Variants in DYM observed in about 807,000 individuals in gnomAD.
The protein encoded by DYM is dyggve-Melchior-Clausen syndrome protein.
DYM carries 78 observed loss-of-function variants against 93.1 expected under a neutral mutation model. The observed-to-expected ratio is 0.84, with a 90% CI of 0.70 to 1.01. The LOEUF is 1.01. DYM is among the 50% of genes least tolerant of loss of function. DYM has a pLI of 0.00. For synonymous variants in DYM, 321 were observed against 319.7 expected (o/e 1.00, Z -0.04); for missense variants, 789 against 845.0 (o/e 0.93, Z 0.82).
chr18:49,046,284 C>T (rs1163731520), intron 17 of DYM, among the ~76,000 whole-genome samples: 2 of 141,304 alleles, frequency 1.4e-5, no homozygotes, highest in African/African-American at 5.4e-5. Context: ...ACACAGACAA[C>T]ACACCCAGAC....
At chr18:49,460,240 C>A (rs1160130712) in intron 1 of DYM, among the ~76,000 whole-genome samples, 158 bp downstream of exon 1, 6 of 152,098 alleles carry the variant, frequency 3.9e-5, no homozygotes, top group Non-Finnish European at 8.8e-5. Flanking sequence ...TCCGGGTGGC[C>A]CAGGCGCCCG....
intron 17 of DYM, among the ~76,000 whole-genome samples, chr18:49,063,619 C>CTTTTTT (rs67482709): frequency 4.2e-5 from 3 of 71,966 alleles, no homozygotes; most frequent in Non-Finnish European, 8.3e-5. Flanking sequence ...CTTTCTCTCT[C>CTTTTTT]TTTTTTTTTT....
intron 17 of DYM, among the ~76,000 whole-genome samples, chr18:49,074,273 A>T (rs2077124874): frequency 1.3e-5 from 2 of 152,220 alleles, no homozygotes; most frequent in South Asian, 4.1e-4. Context: ...TCCCTAAATG[A>T]TACAGTATAA....
intron 2 of DYM, among the ~76,000 whole-genome samples, chr18:49,395,292 C>T (rs982789949): frequency 1.3e-5 from 2 of 151,818 alleles, no homozygotes; most frequent in African/African-American, 4.8e-5. Flanking sequence ...AAAAAAAATC[C>T]AATTTAAAAA....
At chr18:49,271,801 A>G (rs1192988086) in intron 11 of DYM, among the ~76,000 whole-genome samples, 1 of 152,066 alleles carries the variant, frequency 6.6e-6, no homozygotes, top group Non-Finnish European at 1.5e-5. Context: ...AAAACAATGG[A>G]TTTCTCAAAC....
intron 9 of DYM, among the ~76,000 whole-genome samples, chr18:49,285,813 T>C (rs2095109312): frequency 2.0e-5 from 3 of 152,232 alleles, no homozygotes; most frequent in Admixed American, 2.0e-4. Flanking sequence ...CATGAAGCCA[T>C]ATGCTCACCT....
rs933052239 is a variant in DYM at position 49,037,887 on chromosome 18, C to G, written c.*6168G>C. Among the ~76,000 whole-genome samples the G allele has an allele frequency of 1.3e-5, 2 of 152,136 alleles. No homozygotes were observed. The highest frequency in any genetic ancestry group is 1.3e-4 in the Admixed American group (2 of 15,268). On this transcript the variant is annotated 3_prime_UTR_variant, in exon 18 of 18. Coordinates refer to ENST00000675505, the MANE Select transcript of DYM (RefSeq NM_001353214.3). ...TCACCCAAGCTGGAGTGCAGTAGTG[C>G]AATTATAGCTCACTGCAGCCTCGAC... is the stretch of plus-strand genomic sequence containing the variant.
rs562827302 is a variant in DYM, at chr18:49,067,854, C to T, written c.2026-23650G>A. ...TTATGGTACTAGAATACTGAGCCCC[C>T]GAGATCTAGCCTGAGGACATGGTCC... On this transcript the variant is annotated intron_variant, in intron 17 of 17. Transcript: ENST00000675505. Among the ~76,000 whole-genome samples, 20 of 152,162 alleles carry T rather than the reference C, an allele frequency of 1.3e-4. No individual in the cohort carries two copies. In the East Asian group the frequency reaches 2.5e-3, roughly 19 times the overall value.
intron 14 of DYM, among the ~76,000 whole-genome samples, chr18:49,195,898 T>C (rs1426671344): frequency 1.3e-5 from 2 of 148,252 alleles, no homozygotes; most frequent in African/African-American, 5.0e-5. Context: ...CTAATTATGC[T>C]CTCTTGAATG....
intron 15 of DYM, among the ~76,000 whole-genome samples, chr18:49,159,619 T>G (rs947309713): frequency 3.9e-5 from 6 of 152,198 alleles, no homozygotes; most frequent in African/African-American, 1.4e-4. Flanking sequence ...CAGTGGCTCA[T>G]GCCTGTAATC....
chr18:49,197,799 T>C (rs959956696), intron 14 of DYM, among the ~76,000 whole-genome samples: 2 of 152,174 alleles, frequency 1.3e-5, no homozygotes, highest in African/African-American at 4.8e-5. Flanking sequence ...AAACTGGCCA[T>C]ACTGCCCAAG....
intron 14 of DYM, among the ~76,000 whole-genome samples, chr18:49,170,157 C>T (rs186898905): frequency 9.9e-5 from 15 of 152,248 alleles, no homozygotes; most frequent in Admixed American, 8.5e-4. Context: ...GAGGTAGGTC[C>T]TACCATTATC....
At chr18:49,232,505 G>A (rs780270593) in intron 13 of DYM, among the ~76,000 whole-genome samples, 11 of 150,158 alleles carry the variant, frequency 7.3e-5, no homozygotes, top group Non-Finnish European at 1.2e-4. Flanking sequence ...GGGTTTCACC[G>A]TGTTAGCCAG....
At chr18:49,321,492 G>A (rs780595854) in intron 8 of DYM, 89 of 394,960 alleles carry the variant, frequency 2.3e-4, no homozygotes, top group Admixed American at 1.2e-3. Context: ...TAACAAAGCT[G>A]TATTTTGACA....
chr18:49,047,713 C>T (rs1184901112), intron 17 of DYM, among the ~76,000 whole-genome samples: 1 of 152,074 alleles, frequency 6.6e-6, no homozygotes, highest in Non-Finnish European at 1.5e-5. Flanking sequence ...TTGATTCCAG[C>T]CCGACATGGG....
In DYM at chr18:49,301,006, T is replaced by C. The variant is rs572491579; in HGVS notation, c.764-14390A>G. 3.3e-5 allele frequency among the ~76,000 whole-genome samples: 5 copies of C among 152,252 alleles called. No homozygotes were observed. The East Asian group carries it at 5.8e-4, about 18-fold the overall frequency. On this transcript the variant is annotated intron_variant, in intron 8 of 17. Transcript: ENST00000675505. ...GTGCCTCAAACCTTAAAGTTAGCAATAGTAAAGTCATCAACCTAAGGAGAG... is the reference window on the plus strand; with the variant it reads ...GTGCCTCAAACCTTAAAGTTAGCAACAGTAAAGTCATCAACCTAAGGAGAG...
At chr18:49,365,496 T>C (rs2066438662) in intron 5 of DYM, among the ~76,000 whole-genome samples, 1 of 152,204 alleles carries the variant, frequency 6.6e-6, no homozygotes, top group African/African-American at 2.4e-5. Flanking sequence ...AAAATCCCTC[T>C]CATTGCCAAG....
At chr18:49,065,878 T>C (rs1352178733) in intron 17 of DYM, among the ~76,000 whole-genome samples, 1 of 152,054 alleles carries the variant, frequency 6.6e-6, no homozygotes, top group Non-Finnish European at 1.5e-5. Context: ...AATCATTTGA[T>C]TTTTATATGC....
Position 49,370,549 on chromosome 18 carries a change from T to C in DYM, c.422-7316A>G, listed in dbSNP as rs1299771287. ...TGGAAGGCCAAGGAGGGCAGATCACTTGAGGTCAGGGTTTGGGACCAGCCT... is the reference window on the plus strand; with the variant it reads ...TGGAAGGCCAAGGAGGGCAGATCACCTGAGGTCAGGGTTTGGGACCAGCCT... On this transcript the variant is annotated intron_variant, in intron 5 of 17. Transcript: ENST00000675505. Among the ~76,000 whole-genome samples, 5 of 152,120 alleles carry C rather than the reference T, an allele frequency of 3.3e-5. No individual in the cohort carries two copies. In the South Asian group the frequency reaches 6.2e-4, roughly 19 times the overall value.
Sources: gnomAD v4.1 joint callset for allele counts (sites outside exome capture counted in the v4.1 genomes callset) on GRCh38, gnomAD v4.1.1 for gene constraint, MANE v1.5 for transcripts, NCBI Gene and HGNC (gene_info 2026-07-23, HGNC 2026-07-21) for gene names.